The following PALLD variants were observed in gnomAD, a reference collection of about 807,000 sequenced individuals.
PALLD encodes palladin, cytoskeletal associated protein.
PALLD carries 61 observed loss-of-function variants against 123.5 expected under a neutral mutation model. That is an observed-to-expected ratio of 0.49 (90% CI 0.40 to 0.61). PALLD has a LOEUF of 0.61. PALLD is among the 20% of genes least tolerant of loss of function. The pLI, the probability that PALLD is intolerant of heterozygous loss-of-function variation, is 0.00. For missense variants in PALLD, 1,273 were observed against 1,377.0 expected, an observed-to-expected ratio of 0.92 and a Z score of 1.20; for synonymous variants, 465 against 496.4, an observed-to-expected ratio of 0.94 and a Z score of 0.84.
chr4:168,562,187 A>G (rs1407054310), intron 2 of PALLD, among the ~76,000 whole-genome samples: 1 of 151,958 alleles, frequency 6.6e-6, no homozygotes, highest in Non-Finnish European at 1.5e-5. Context: ...GCCATGAGTC[A>G]TAGGAAGAAC....
At chr4:168,896,126 C>T (rs1755091975) in intron 12 of PALLD, among the ~76,000 whole-genome samples, 1 of 151,188 alleles carries the variant, frequency 6.6e-6, no homozygotes, top group Non-Finnish European at 1.5e-5. Context: ...ATGAGAATCG[C>T]TTGAACCCAG....
chr4:168,627,728 G>A (rs925769684), intron 2 of PALLD, among the ~76,000 whole-genome samples: 1 of 152,178 alleles, frequency 6.6e-6, no homozygotes, highest in East Asian at 1.9e-4. Flanking sequence ...AACTCCTAAC[G>A]CAAAGGGATA....
intron 2 of PALLD, among the ~76,000 whole-genome samples, chr4:168,565,096 G>A (rs1456660187): frequency 6.6e-6 from 1 of 152,008 alleles, no homozygotes; most frequent in African/African-American, 2.4e-5. Flanking sequence ...AGGAGGCTGA[G>A]GCAGCAGATG....
chr4:168,617,778 C>T (rs1424103603), intron 2 of PALLD, among the ~76,000 whole-genome samples: 1 of 152,122 alleles, frequency 6.6e-6, no homozygotes, highest in East Asian at 1.9e-4. Context: ...TCTGGCATCT[C>T]AATAACAAAT....
intron 10 of PALLD, among the ~76,000 whole-genome samples, chr4:168,810,262 AGAATGATTCTT>A (rs1184618711): frequency 6.6e-6 from 1 of 152,170 alleles, no homozygotes; most frequent in Admixed American, 6.5e-5. Flanking sequence ...GGAAAGAGAA[AGAATGATTCTT>A]GATCACCAAG....
Position 168,874,121 on chromosome 4 carries a change from T to C in PALLD, c.1965-16801T>C, listed in dbSNP as rs951297565. On this transcript the variant is annotated intron_variant, in intron 10 of 21. Transcript: ENST00000505667. ...TGCTATGAAAGATAATTTATTGAGC[T>C]CATACTCTGAACCAGGCACTGTGCC... 3.3e-5 allele frequency among the ~76,000 whole-genome samples: 5 copies of C among 152,382 alleles called. No homozygotes were observed. In the South Asian group the frequency reaches 1.0e-3, roughly 32 times the overall value.
chr4:168,520,347 A>AAGAGAGAGAGAGAG (rs1554034659), intron 2 of PALLD, among the ~76,000 whole-genome samples: 15 of 84,034 alleles, frequency 1.8e-4, no homozygotes, highest in African/African-American at 5.3e-4. Context: ...AAAAAAAAAA[A>AAGAGAGAGAGAGAG]AGAGAGAGAG....
intron 3 of PALLD, among the ~76,000 whole-genome samples, chr4:168,678,380 G>A (rs1398195835): frequency 6.6e-6 from 1 of 152,258 alleles, no homozygotes; most frequent in East Asian, 1.9e-4. Flanking sequence ...CTAACCCAGC[G>A]TCCATCCTCA....
intron 2 of PALLD, among the ~76,000 whole-genome samples, chr4:168,525,410 C>T (rs2149466221): frequency 6.6e-6 from 1 of 152,288 alleles, no homozygotes; most frequent in Middle Eastern, 3.4e-3. Context: ...GATTCCTCTG[C>T]CCACAGTAAA....
chr4:168,641,248 T>C (rs2149871435), intron 2 of PALLD, among the ~76,000 whole-genome samples: 1 of 151,336 alleles, frequency 6.6e-6, no homozygotes, highest in South Asian at 2.1e-4. Flanking sequence ...GCCCTGGCTC[T>C]AAGACATACT....
rs77813382 is a variant in PALLD, at chr4:168,613,308, G to C, written c.909-54882G>C. The stretch of plus-strand genomic sequence containing the variant: ...TAGTTTCATGCTCAAGATGAATAGA[G>C]ACACCAAAATACAACAAAGATAAAC... On this transcript the variant is annotated intron_variant, in intron 2 of 21. Transcript: ENST00000505667. 7.7e-3 allele frequency among the ~76,000 whole-genome samples: 1,171 copies of C among 152,266 alleles called. 10 individuals are homozygous for C. The highest frequency in any genetic ancestry group is 0.023 in the African/African-American group (961 of 41,550).
chr4:168,836,889 T>C (rs1191470716), intron 10 of PALLD, among the ~76,000 whole-genome samples: 1 of 152,196 alleles, frequency 6.6e-6, no homozygotes, highest in Non-Finnish European at 1.5e-5. Flanking sequence ...TATTCTGTCT[T>C]ATTAATAGTA....
At chr4:168,747,160 A>G (rs1308557958) in intron 10 of PALLD, among the ~76,000 whole-genome samples, 1 of 152,224 alleles carries the variant, frequency 6.6e-6, no homozygotes, top group Non-Finnish European at 1.5e-5. Flanking sequence ...AATTACTACT[A>G]TTTATCTTTT....
chr4:168,616,953 G>A (rs571777038), intron 2 of PALLD, among the ~76,000 whole-genome samples: 5 of 152,256 alleles, frequency 3.3e-5, no homozygotes, highest in African/African-American at 7.2e-5. Flanking sequence ...AGGTATGTCC[G>A]TTTTATGGTT....
At chr4:168,500,241 C>G (rs1173406915) in intron 1 of PALLD, among the ~76,000 whole-genome samples, 1 of 152,244 alleles carries the variant, frequency 6.6e-6, no homozygotes, top group Non-Finnish European at 1.5e-5. Context: ...CTAGACTCTG[C>G]TCTTTCTCAT....
At chr4:168,566,593 C>T (rs1219403714) in intron 2 of PALLD, among the ~76,000 whole-genome samples, 1 of 152,158 alleles carries the variant, frequency 6.6e-6, no homozygotes, top group Non-Finnish European at 1.5e-5. Flanking sequence ...CCACCATGCT[C>T]AGCTATCTCC....
chr4:168,630,084 G>A (rs1184467169), intron 2 of PALLD, among the ~76,000 whole-genome samples: 3 of 152,142 alleles, frequency 2.0e-5, no homozygotes, highest in African/African-American at 4.8e-5. Flanking sequence ...TTTCGCCCAG[G>A]CATTTTAATT....
At chr4:168,522,136 C>T (rs1047349028) in intron 2 of PALLD, among the ~76,000 whole-genome samples, 2 of 152,138 alleles carry the variant, frequency 1.3e-5, no homozygotes, top group African/African-American at 4.8e-5. Flanking sequence ...AGCAATTTCC[C>T]TCAGTTTGCT....
At chr4:168,734,015 GT>G (rs530721550) in intron 10 of PALLD, among the ~76,000 whole-genome samples, 127 of 152,270 alleles carry the variant, frequency 8.3e-4, no homozygotes, top group Admixed American at 2.0e-3. Context: ...GATTACAGGC[GT>G]TGAGCCACCA....
Sources: allele counts gnomAD v4.1 joint callset (sites outside exome capture counted in the v4.1 genomes callset), GRCh38; gene constraint gnomAD v4.1.1; transcripts MANE v1.5; gene names NCBI Gene and HGNC (gene_info 2026-07-23, HGNC 2026-07-21).